Variants in ILF2 observed in about 807,000 individuals in gnomAD.
ILF2 encodes the protein interleukin enhancer binding factor 2.
A neutral mutation model predicts 55.3 loss-of-function variants in ILF2; 9 were observed. That is an observed-to-expected ratio of 0.16 (90% CI 0.10 to 0.28). The LOEUF (loss-of-function observed/expected upper bound fraction) is 0.28, where lower values mean the gene tolerates loss of function less well. Ranked by LOEUF, ILF2 falls within the 10% of genes least tolerant of loss-of-function variation. The pLI is 1.00. For missense variants in ILF2, 266 were observed against 474.9 expected (o/e 0.56, Z 4.09); for synonymous variants, 151 against 161.8 (o/e 0.93, Z 0.50).
At chr1:153,664,821 G>T (rs1290648200) in intron 8 of ILF2, among the ~76,000 whole-genome samples, 1 of 152,174 alleles carries the variant, frequency 6.6e-6, no homozygotes, top group Non-Finnish European at 1.5e-5. Flanking sequence ...GCCTCCCAAA[G>T]TGCTGGGATT....
intron 2 of ILF2, 54 bp from the exon 3 acceptor site, chr1:153,669,932 T>C (rs951215763): frequency 1.5e-5 from 21 of 1,423,204 alleles, no homozygotes; most frequent in Non-Finnish European, 2.0e-5. Flanking sequence ...AAGCGAGATG[T>C]AAATAACACG....
intron 8 of ILF2, 64 bp from the exon 9 acceptor site, chr1:153,664,538 C>T (rs1669258849): frequency 7.9e-7 from 1 of 1,263,102 alleles, no homozygotes; most frequent in Non-Finnish European, 1.2e-6. Flanking sequence ...CTCATTACCA[C>T]TGCTACAGTC....
intron 6 of ILF2, among the ~76,000 whole-genome samples, chr1:153,666,859 C>T (rs1476838422): frequency 6.6e-6 from 1 of 152,240 alleles, no homozygotes; most frequent in Non-Finnish European, 1.5e-5. Context: ...CAGTGGCTCA[C>T]GCCTGTAATC....
intron 3 of ILF2, 51 bp from the exon 4 acceptor site, chr1:153,668,608 G>A (rs779074111): frequency 2.6e-6 from 4 of 1,541,764 alleles, no homozygotes; most frequent in South Asian, 2.4e-5. Context: ...TAATATACAG[G>A]AGAGATTGTT....
rs1177886136 is a variant in ILF2 at position 153,667,592 on chromosome 1, C to T, written c.357G>A (p.Val119=). 1.2e-6 allele frequency: 2 copies of T among 1,613,810 alleles called. No homozygotes were observed. Among genetic ancestry groups the T allele is most frequent in the Admixed American group, 1.7e-5 (1 of 60,002 alleles). Residue 119 remains valine, a synonymous_variant, in exon 6 of 14, where the codon GTG becomes GTA. Transcript: ENST00000361891. The part of the protein sequence containing the change: ...KKGTMTTGHN[V]ADLVVILKIL... ...TCTTGAGTATCACCACCAGGTCAGC[C>T]ACATTGTGTCCTGTAGTCATTGTCC...
At position 153,665,704 on chromosome 1, in the gene ILF2, T is replaced by C. The variant is rs1158001127; in HGVS notation, c.419A>G (p.Asn140Ser). 1 of 1,612,446 alleles carries C rather than the reference T, an allele frequency of 6.2e-7. No individual in the cohort carries two copies. The highest frequency in any genetic ancestry group is 1.1e-5 in the South Asian group (1 of 90,542). ...PTLEAVAALG[N>S]KVVESLRAQD... ...TGCTCTTAGGCTTTCCACGACTTTG[T>C]TCCCCAGGGCAGCAACAGCTTCCAC... Residue 140 changes from asparagine (N) to serine (S), a missense_variant, in exon 7 of 14, where the codon AAC (asparagine) becomes AGC (serine). Physicochemically the swap from Asn to Ser is conservative, Grantham distance 46. Transcript: ENST00000361891.
At chr1:153,667,525 G>A (rs755996751) in intron 6 of ILF2, 30 bp downstream of exon 6, 5 of 1,437,512 alleles carry the variant, frequency 3.5e-6, no homozygotes, top group Non-Finnish European at 4.9e-6. Flanking sequence ...GCTATGTTCT[G>A]TTCCCATGAC....
At position 153,670,957 on chromosome 1, in the gene ILF2, A is replaced by C. The variant is rs1557954734; in HGVS notation, c.-35T>G. ...AAACACGAACAATGGAGGCCGCACC[A>C]ACCGCCCCTTCCTCTGAGTAGCAGA... On this transcript the variant is annotated 5_prime_UTR_variant, in exon 1 of 14. Coordinates refer to ENST00000361891, the MANE Select transcript of ILF2 (RefSeq NM_004515.4). 1 of 1,614,114 alleles carries C rather than the reference A, an allele frequency of 6.2e-7. No homozygotes were observed. The highest frequency in any genetic ancestry group is 1.6e-4 in the Middle Eastern group (1 of 6,062).
rs1669193580 is a variant in ILF2, at chr1:153,662,418, T to G, written c.1151A>C (p.Glu384Ala). The G allele has an allele frequency of 1.2e-6, 2 of 1,614,110 alleles. No individual in the cohort carries two copies. The highest frequency in any genetic ancestry group is 1.7e-6 in the Non-Finnish European group (2 of 1,179,946). Residue 384 changes from glutamate (E) to alanine (A), a missense_variant, in exon 14 of 14, where the codon GAA becomes GCA. Transcript: ENST00000361891. ...TEEPPQGEEE[E>A]SMETQE ...ATGTCACTCCTGAGTTTCCATGCTTTCTTCTTCCTCTCCTTGAGGTGGTTC... is the reference window on the plus strand; with the variant it reads ...ATGTCACTCCTGAGTTTCCATGCTTGCTTCTTCCTCTCCTTGAGGTGGTTC...
At chr1:153,662,682 C>G in intron 13 of ILF2, 23 bp downstream of exon 13, 1 of 1,605,744 alleles carries the variant, frequency 6.2e-7, no homozygotes, top group Non-Finnish European at 8.5e-7. Flanking sequence ...ATACAAAACC[C>G]CTGACCCACA....
At chr1:153,662,904 GTCTT>G (rs1669207571) in intron 12 of ILF2, 109 bp from the exon 13 acceptor site, 29 of 1,318,310 alleles carry the variant, frequency 2.2e-5, no homozygotes, top group Non-Finnish European at 3.0e-5. Flanking sequence ...CAGGACCAAA[GTCTT>G]TCAGAATCCC....
In ILF2 at chr1:153,669,828, G is replaced by A. The variant is rs907033961; in HGVS notation, c.108+8C>T. 1 of 1,607,844 alleles carries A rather than the reference G, an allele frequency of 6.2e-7. No homozygotes were observed. The highest frequency in any genetic ancestry group is 1.7e-5 in the Admixed American group (1 of 59,982). On this transcript the variant is annotated splice_region_variant and intron_variant, in intron 3 of 13. Coordinates refer to ENST00000361891, the MANE Select transcript of ILF2 (RefSeq NM_004515.4). Reference sequence around the variant, plus strand: ...AGAAAATGTGTATCATTAACCCAAGGTACTCACCAAATAGAAGTCAAATGG... The same window carrying A: ...AGAAAATGTGTATCATTAACCCAAGATACTCACCAAATAGAAGTCAAATGG...
chr1:153,662,317 T>C lies in ILF2; in HGVS notation c.*79A>G. ...ATCTTCCCTATCCCACGGAAATGTC[T>C]GTCACCATGTAAAGCCCAGTAGCAG... On this transcript the variant is annotated 3_prime_UTR_variant, in exon 14 of 14. Coordinates refer to ENST00000361891, the MANE Select transcript of ILF2 (RefSeq NM_004515.4). The C allele has an allele frequency of 1.3e-6, 2 of 1,573,030 alleles. No individual in the cohort carries two copies. Among genetic ancestry groups the C allele is most frequent in the Non-Finnish European group, 1.7e-6 (2 of 1,156,476 alleles).
chr1:153,665,437 A>G (rs940412794), intron 7 of ILF2, 101 bp from the exon 8 acceptor site: 1 of 834,760 alleles, frequency 1.2e-6, no homozygotes, highest in Non-Finnish European at 2.0e-6. Context: ...TTAAAACAGC[A>G]CAAAGTCCAG....
Position 153,663,105 on chromosome 1 carries a change from G to A in ILF2, c.835C>T (p.Leu279=). The A allele has an allele frequency of 1.2e-6, 2 of 1,614,142 alleles. No homozygotes were observed. The highest frequency in any genetic ancestry group is 1.7e-6 in the Non-Finnish European group (2 of 1,180,002). ...ATACCCACTGAACCTGGCAGGAACA[G>A]TCCTGCAGCCAGAATCTGCAAGCAG... The part of the protein sequence containing the change: ...RRCLQILAAG[L]FLPGSVGITD... The change falls in exon 12 of 14, where the codon CTG becomes TTG. Residue 279 remains leucine (L), a synonymous_variant. Transcript: ENST00000361891.
Position 153,667,628 on chromosome 1 carries a change from G to A in ILF2, c.321C>T (p.Ser107=). ...VQIEEVRQVG[S]YKKGTMTTGH... ...CTGTAGTCATTGTCCCCTTTTTATAGGATCCCACCTGTCGAACTTCTTCAA... is the reference window on the plus strand; with the variant it reads ...CTGTAGTCATTGTCCCCTTTTTATAAGATCCCACCTGTCGAACTTCTTCAA... Residue 107 remains serine, a synonymous_variant, in exon 6 of 14, where the codon TCC becomes TCT. Coordinates refer to ENST00000361891, the MANE Select transcript of ILF2 (RefSeq NM_004515.4). 1.2e-6 allele frequency: 2 copies of A among 1,603,272 alleles called. No homozygotes were observed. The highest frequency in any genetic ancestry group is 1.3e-5 in the African/African-American group (1 of 74,422).
At chr1:153,666,558 T>C in intron 6 of ILF2, among the ~76,000 whole-genome samples, 1 of 151,472 alleles carries the variant, frequency 6.6e-6, no homozygotes, top group East Asian at 2.0e-4. Context: ...CTCTCTATGT[T>C]ATACAGGCTG....
chr1:153,667,115 C>T (rs1032929343), intron 6 of ILF2, among the ~76,000 whole-genome samples: 21 of 152,090 alleles, frequency 1.4e-4, no homozygotes, highest in African/African-American at 4.8e-4. Flanking sequence ...GAGTGAGATC[C>T]GTCTCAAAAA....
At chr1:153,667,201 G>A (rs980779742) in intron 6 of ILF2, 20 of 381,872 alleles carry the variant, frequency 5.2e-5, no homozygotes, top group Admixed American at 2.1e-4. Context: ...GTAAGGGCTG[G>A]GCACAGTGGC....
Sources: allele counts gnomAD v4.1 joint callset (sites outside exome capture counted in the v4.1 genomes callset), GRCh38; gene constraint gnomAD v4.1.1; transcripts MANE v1.5; gene names NCBI Gene and HGNC (gene_info 2026-07-23, HGNC 2026-07-21).